The following ADGRB3 variants were observed in gnomAD, a reference collection of about 807,000 sequenced individuals.
ADGRB3 encodes adhesion G protein-coupled receptor B3, also known as brain-specific angiogenesis inhibitor 3.
A neutral mutation model predicts 193.4 loss-of-function variants in ADGRB3; 37 were observed. The ratio of observed to expected loss-of-function variants is 0.19; its 90% CI spans 0.15 to 0.25. The LOEUF (loss-of-function observed/expected upper bound fraction) is 0.25, where lower values mean the gene tolerates loss of function less well. ADGRB3 is among the 10% of genes least tolerant of loss of function. The pLI is 1.00. For missense variants in ADGRB3, 1,637 were observed against 1,852.9 expected, an observed-to-expected ratio of 0.88 and a Z score of 2.14; for synonymous variants, 690 against 644.2, an observed-to-expected ratio of 1.07 and a Z score of -1.08.
intron 3 of ADGRB3, among the ~76,000 whole-genome samples, chr6:68,809,628 A>G (rs745528067): frequency 2.5e-4 from 38 of 152,212 alleles, no homozygotes; most frequent in Non-Finnish European, 5.0e-4. Flanking sequence ...TTAGCATAGG[A>G]AAAGCAAGAC....
At chr6:69,264,125 G>A (rs938049174) in intron 20 of ADGRB3, among the ~76,000 whole-genome samples, 1 of 151,888 alleles carries the variant, frequency 6.6e-6, no homozygotes, top group Non-Finnish European at 1.5e-5. Context: ...ATCAAAGATA[G>A]ACACTAGGAG....
At chr6:69,269,165 C>T (rs1410949678) in intron 20 of ADGRB3, among the ~76,000 whole-genome samples, 1 of 152,002 alleles carries the variant, frequency 6.6e-6, no homozygotes. Context: ...AAATATCTTG[C>T]CCAAGGTCAT....
intron 17 of ADGRB3, among the ~76,000 whole-genome samples, chr6:69,210,942 C>T (rs990594306): frequency 4.0e-5 from 6 of 151,062 alleles, no homozygotes; most frequent in East Asian, 3.9e-4. Context: ...GGTGAAACCC[C>T]GTCTCTACCA....
At chr6:69,288,790 A>C (rs181699666) in intron 20 of ADGRB3, among the ~76,000 whole-genome samples, 1 of 152,094 alleles carries the variant, frequency 6.6e-6, no homozygotes, top group Non-Finnish European at 1.5e-5. Flanking sequence ...ATTTCTGTTG[A>C]TAACAGTGGA....
intron 30 of ADGRB3, among the ~76,000 whole-genome samples, chr6:69,377,032 G>T (rs1406986261): frequency 6.6e-6 from 1 of 151,920 alleles, no homozygotes; most frequent in Non-Finnish European, 1.5e-5. Flanking sequence ...CTAAAAATGG[G>T]TCTACAAGTT....
At chr6:68,908,730 A>G (rs893752530) in intron 3 of ADGRB3, among the ~76,000 whole-genome samples, 4 of 152,138 alleles carry the variant, frequency 2.6e-5, no homozygotes, top group African/African-American at 4.8e-5. Flanking sequence ...CCGTATTGCT[A>G]TATAATTTCT....
chr6:69,273,278 G>T (rs1767222079), intron 20 of ADGRB3, among the ~76,000 whole-genome samples: 1 of 152,160 alleles, frequency 6.6e-6, no homozygotes, highest in South Asian at 2.1e-4. Flanking sequence ...GCTAGCGGAA[G>T]TTTACTGTTT....
At chr6:69,117,782 T>C (rs971276357) in intron 17 of ADGRB3, among the ~76,000 whole-genome samples, 2 of 152,204 alleles carry the variant, frequency 1.3e-5, no homozygotes, top group Non-Finnish European at 2.9e-5. Context: ...TAGATTAAAA[T>C]TAAGTTTTGG....
chr6:68,923,005 A>G (rs1767086244), intron 3 of ADGRB3, among the ~76,000 whole-genome samples: 1 of 152,148 alleles, frequency 6.6e-6, no homozygotes, highest in Non-Finnish European at 1.5e-5. Flanking sequence ...TTTCTGAAAA[A>G]TAAGCTAAAA....
At chr6:68,794,793 T>C (rs1295954115) in intron 3 of ADGRB3, among the ~76,000 whole-genome samples, 2 of 152,142 alleles carry the variant, frequency 1.3e-5, no homozygotes, top group African/African-American at 2.4e-5. Flanking sequence ...ATTTGACTTA[T>C]GTCACTTATA....
At chr6:68,647,947 T>TA (rs1451234522) in intron 3 of ADGRB3, among the ~76,000 whole-genome samples, 2 of 151,866 alleles carry the variant, frequency 1.3e-5, no homozygotes, top group Admixed American at 6.6e-5. Flanking sequence ...AATTAGATAC[T>TA]AAAAAAAATC....
At chr6:68,868,120 C>A (rs981813742) in intron 3 of ADGRB3, among the ~76,000 whole-genome samples, 6 of 152,164 alleles carry the variant, frequency 3.9e-5, no homozygotes, top group Admixed American at 3.9e-4. Flanking sequence ...GGCTCTGTGT[C>A]CCCACCCAAA....
intron 12 of ADGRB3, 78 bp from the exon 13 acceptor site, chr6:69,018,313 A>G: frequency 1.2e-6 from 1 of 818,064 alleles, no homozygotes; most frequent in Admixed American, 2.5e-5. Context: ...GATTTCATGT[A>G]GTTTAAAAAA....
At chr6:69,013,075 A>AC (rs1769982831) in intron 11 of ADGRB3, among the ~76,000 whole-genome samples, 1 of 151,734 alleles carries the variant, frequency 6.6e-6, no homozygotes, top group African/African-American at 2.4e-5. Flanking sequence ...GTCTCCTGTG[A>AC]CCCCCAAGTC....
intron 15 of ADGRB3, among the ~76,000 whole-genome samples, chr6:69,054,215 A>G (rs1273944303): frequency 6.6e-6 from 1 of 152,186 alleles, no homozygotes; most frequent in Admixed American, 6.5e-5. Context: ...GAAAGGAACA[A>G]ATTTCAATAA....
At chr6:68,835,699 A>G (rs1487355211) in intron 3 of ADGRB3, among the ~76,000 whole-genome samples, 1 of 152,062 alleles carries the variant, frequency 6.6e-6, no homozygotes, top group Non-Finnish European at 1.5e-5. Flanking sequence ...TTAGATTCTT[A>G]AGGAATCTAT....
chr6:68,903,553 T>TA (rs914891563), intron 3 of ADGRB3, among the ~76,000 whole-genome samples: 1 of 152,156 alleles, frequency 6.6e-6, no homozygotes, highest in Non-Finnish European at 1.5e-5. Context: ...TACTTGCAAC[T>TA]GAATTGCTGC....
At chr6:68,696,590 T>G (rs146474273) in intron 3 of ADGRB3, among the ~76,000 whole-genome samples, 1 of 151,870 alleles carries the variant, frequency 6.6e-6, no homozygotes, top group Non-Finnish European at 1.5e-5. Flanking sequence ...CTAGGACATT[T>G]ACATTTATAA....
At chr6:69,281,413 T>G (rs1767433661) in intron 20 of ADGRB3, among the ~76,000 whole-genome samples, 1 of 152,154 alleles carries the variant, frequency 6.6e-6, no homozygotes, top group African/African-American at 2.4e-5. Context: ...ACCTTTGGTG[T>G]TCTGAGAGAC....
Sources: allele counts gnomAD v4.1 joint callset (sites outside exome capture counted in the v4.1 genomes callset), GRCh38; gene constraint gnomAD v4.1.1; transcripts MANE v1.5; gene names NCBI Gene and HGNC (gene_info 2026-07-23, HGNC 2026-07-21).